DPH6: variants seen among roughly 807,000 people sequenced by gnomAD.
The protein encoded by DPH6 is diphthine--ammonia ligase.
Under a neutral mutation model 38.2 loss-of-function variants are expected in DPH6, and 33 were observed. The observed-to-expected ratio is 0.86, with a 90% CI of 0.65 to 1.15. The LOEUF (loss-of-function observed/expected upper bound fraction) is 1.15. Ranked by LOEUF, DPH6 falls within the 50% of genes most tolerant of loss-of-function variation. The probability of loss-of-function intolerance (pLI) is 0.00; values close to 1 mark genes in which losing one functional copy is unlikely to be tolerated. For missense variants in DPH6, 325 were observed against 320.0 expected, an observed-to-expected ratio of 1.02 and a Z score of -0.12; for synonymous variants, 108 against 103.0, an observed-to-expected ratio of 1.05 and a Z score of -0.30.
downstream of DPH6, among the ~76,000 whole-genome samples, chr15:35,326,853 C>A (rs556674764): frequency 2.0e-5 from 3 of 152,286 alleles, no homozygotes; most frequent in African/African-American, 7.2e-5. Flanking sequence ...TCACTAAGAA[C>A]CTGCATTCTA....
the DPH6 span, among the ~76,000 whole-genome samples, chr15:35,162,652 A>G: frequency 6.6e-6 from 1 of 151,728 alleles, no homozygotes; most frequent in Non-Finnish European, 1.5e-5. Context: ...TTCTCTTCAC[A>G]GCACTTATAA....
At chr15:35,539,879 C>T (rs1595455372) in intron 2 of DPH6, among the ~76,000 whole-genome samples, 1 of 152,154 alleles carries the variant, frequency 6.6e-6, no homozygotes, top group South Asian at 2.1e-4. Context: ...GTTAGATTGG[C>T]TTCCTTCAGA....
At chr15:35,507,772 A>G (rs908162327) in intron 3 of DPH6, among the ~76,000 whole-genome samples, 1 of 152,086 alleles carries the variant, frequency 6.6e-6, no homozygotes, top group Admixed American at 6.6e-5. Context: ...TGGAGGTTAG[A>G]CTGTCATACT....
rs577005806 is a variant in DPH6, at chr15:35,405,874, T to C, written c.567+4961A>G. Among the ~76,000 whole-genome samples, 21 of 152,162 alleles carry C rather than the reference T, an allele frequency of 1.4e-4. No individual in the cohort carries two copies. The South Asian group carries it at 4.4e-3, about 32-fold the overall frequency. On this transcript the variant is annotated intron_variant, in intron 6 of 8. Transcript: ENST00000256538. ...TTATTATGTTGAGGTATGTTCTTTC[T>C]ATACCCAGTTTTTTGAGGGTTTTTA...
the DPH6 span, among the ~76,000 whole-genome samples, chr15:35,161,945 C>T: frequency 6.6e-6 from 1 of 151,830 alleles, no homozygotes; most frequent in Non-Finnish European, 1.5e-5. Context: ...CTCAGGTTAC[C>T]CCATTTTGAT....
chr15:35,430,980 C>T (rs2053625874), intron 5 of DPH6, among the ~76,000 whole-genome samples: 1 of 152,026 alleles, frequency 6.6e-6, no homozygotes, highest in African/African-American at 2.4e-5. Context: ...AAAACAAAAC[C>T]TCCTACTTCC....
intron 3 of DPH6, among the ~76,000 whole-genome samples, chr15:35,461,765 A>G (rs1566918893): frequency 6.6e-6 from 1 of 152,188 alleles, no homozygotes; most frequent in Non-Finnish European, 1.5e-5. Flanking sequence ...TAAACCAAGA[A>G]TATGTCAAAG....
rs550178702 is a variant in DPH6 at position 35,236,671 on chromosome 15, C to A, written n.201-16089G>T. ...AAAAAAAAAGAAAAAAAGAAAACTT[C>A]AAGTGTTATTGGTAATCAGGTATCT... On this transcript the variant is annotated intron_variant and non_coding_transcript_variant, in intron 3 of 3. Coordinates refer to the DPH6 transcript ENST00000560386. Among the ~76,000 whole-genome samples the A allele has an allele frequency of 3.3e-5, 5 of 151,692 alleles. No individual in the cohort carries two copies. In the South Asian group the frequency reaches 1.0e-3, roughly 32 times the overall value.
At chr15:35,269,159 A>T (rs2051804515) in intron 3 of DPH6, among the ~76,000 whole-genome samples, 1 of 152,206 alleles carries the variant, frequency 6.6e-6, no homozygotes, top group African/African-American at 2.4e-5. Context: ...CATATGTTGG[A>T]AGACTATTAG....
At chr15:35,335,763 C>T (rs893526265) in intron 3 of DPH6, among the ~76,000 whole-genome samples, 2 of 152,062 alleles carry the variant, frequency 1.3e-5, no homozygotes, top group Non-Finnish European at 2.9e-5. Context: ...TTGTACCAGT[C>T]CCATGATGTT....
intron 3 of DPH6, among the ~76,000 whole-genome samples, chr15:35,318,516 A>G (rs1169390288): frequency 1.3e-5 from 2 of 152,192 alleles, no homozygotes; most frequent in Non-Finnish European, 2.9e-5. Flanking sequence ...CATATTCTTT[A>G]CAAGTGCATA....
intron 3 of DPH6, among the ~76,000 whole-genome samples, chr15:35,485,706 CTT>C (rs1034736948): frequency 1.3e-5 from 2 of 152,186 alleles, no homozygotes; most frequent in African/African-American, 2.4e-5. Context: ...GGATATAATA[CTT>C]TGAGTTTATA....
the DPH6 span, among the ~76,000 whole-genome samples, chr15:35,166,240 G>A: frequency 5.3e-5 from 8 of 151,872 alleles, no homozygotes; most frequent in Non-Finnish European, 1.0e-4. Context: ...GGGACACTGA[G>A]GGGAATCAGA....
chr15:35,476,767 C>A (rs930842481), intron 3 of DPH6, among the ~76,000 whole-genome samples: 5 of 151,656 alleles, frequency 3.3e-5, no homozygotes, highest in African/African-American at 1.2e-4. Flanking sequence ...TTCCACTTGC[C>A]AGTAACAAAG....
intron 3 of DPH6, among the ~76,000 whole-genome samples, chr15:35,491,870 G>GTA (rs1436918634): frequency 6.6e-6 from 1 of 150,610 alleles, no homozygotes; most frequent in Admixed American, 6.7e-5. Flanking sequence ...ATATGTGTGT[G>GTA]TATATATATA....
intron 3 of DPH6, among the ~76,000 whole-genome samples, chr15:35,270,223 G>C (rs895626128): frequency 7.2e-5 from 11 of 152,070 alleles, no homozygotes; most frequent in Non-Finnish European, 1.5e-4. Context: ...AGGAAAATAA[G>C]AAATAAAAAA....
At position 35,299,348 on chromosome 15, in the gene DPH6, T is replaced by C. The variant is rs571105939; in HGVS notation, n.200+74173A>G. 38 of 973,090 alleles carry C rather than the reference T, an allele frequency of 3.9e-5. 2 individuals are homozygous for C. The South Asian group carries it at 4.7e-4, about 12-fold the overall frequency. 60.3% of individuals were successfully genotyped at this position (973,090 alleles called of 1,614,324 possible). A position where few individuals can be genotyped will look rare whatever the true frequency, so the allele number is the denominator to read the frequency against. On this transcript the variant is annotated intron_variant and non_coding_transcript_variant, in intron 3 of 3. Transcript: ENST00000560386. ...CTCTTTGCCTGAGTGAGAGCTGCCTTCTTCACCTGAAGCTGAGACTGTAGA... is the reference window on the plus strand; with the variant it reads ...CTCTTTGCCTGAGTGAGAGCTGCCTCCTTCACCTGAAGCTGAGACTGTAGA...
chr15:35,174,046 C>T, the DPH6 span, among the ~76,000 whole-genome samples: 2 of 152,062 alleles, frequency 1.3e-5, no homozygotes, highest in Admixed American at 6.6e-5. Flanking sequence ...CCAGTGTTAT[C>T]GTGACAATTT....
the DPH6 span, among the ~76,000 whole-genome samples, chr15:35,147,649 T>C: frequency 6.6e-6 from 1 of 152,054 alleles, no homozygotes; most frequent in Admixed American, 6.5e-5. Flanking sequence ...AAAAAAGTAA[T>C]CAGAAATACA....
Sources: allele counts gnomAD v4.1 joint callset (sites outside exome capture counted in the v4.1 genomes callset), GRCh38; gene constraint gnomAD v4.1.1; transcripts MANE v1.5; gene names NCBI Gene and HGNC (gene_info 2026-07-23, HGNC 2026-07-21).